Variants in SLC15A5 observed in about 807,000 individuals in gnomAD.
The protein encoded by SLC15A5 is solute carrier family 15 member 5, also known as Peptide/histidine transporter ENSP00000340402.
Under a neutral mutation model 56.1 loss-of-function variants are expected in SLC15A5, and 58 were observed. The ratio of observed to expected loss-of-function variants is 1.03; its 90% confidence interval spans 0.84 to 1.29. SLC15A5 has a LOEUF of 1.29. SLC15A5 is among the 50% of genes most tolerant of loss of function. SLC15A5 has a pLI of 0.00. For missense variants in SLC15A5, 681 were observed against 672.1 expected, an observed-to-expected ratio of 1.01 and a Z score of -0.15; for synonymous variants, 264 against 250.5, an observed-to-expected ratio of 1.05 and a Z score of -0.51.
chr12:16,205,596 TACACACACACACAC>T (rs56313529), intron 7 of SLC15A5, among the ~76,000 whole-genome samples: 3 of 87,674 alleles, frequency 3.4e-5, no homozygotes, highest in Non-Finnish European at 4.7e-5. Flanking sequence ...TATATACATA[TACACACACACACAC>T]ATATATATAC....
intron 3 of SLC15A5, among the ~76,000 whole-genome samples, chr12:16,257,462 ATC>A (rs889345928): frequency 5.3e-5 from 8 of 152,270 alleles, no homozygotes; most frequent in African/African-American, 1.9e-4. Context: ...GAGAAGAGGA[ATC>A]TCTACCTCTC....
At chr12:16,217,103 T>G in intron 6 of SLC15A5, 79 bp from the exon 7 acceptor site, 1 of 1,398,072 alleles carries the variant, frequency 7.2e-7, no homozygotes, top group Non-Finnish European at 9.3e-7. Flanking sequence ...TTGATGTTGA[T>G]CATGTATCAA....
chr12:16,209,661 T>G lies in SLC15A5; in HGVS notation c.1483+7232A>C, dbSNP rs187231155. 3.7e-3 allele frequency among the ~76,000 whole-genome samples: 559 copies of G among 152,286 alleles called. 2 individuals carry two copies. Among genetic ancestry groups the G allele is most frequent in the Non-Finnish European group, 5.2e-3 (357 of 68,026 alleles). On this transcript the variant is annotated intron_variant, in intron 7 of 8. Transcript: ENST00000344941. Reference sequence around the variant, plus strand: ...CCACCCAGTAGCTCATGGCAGAAACTGGAATGCTTTCCTGACACTACCTCC... The same window carrying G: ...CCACCCAGTAGCTCATGGCAGAAACGGGAATGCTTTCCTGACACTACCTCC...
intron 6 of SLC15A5, among the ~76,000 whole-genome samples, chr12:16,224,161 G>T (rs544751984): frequency 2.4e-4 from 36 of 152,294 alleles, no homozygotes; most frequent in Middle Eastern, 3.4e-3. Context: ...AATGGTTATT[G>T]CCTTTAACCA....
Position 16,224,403 on chromosome 12 carries a change from T to C in SLC15A5, c.1351+11A>G. ...TATGTTCTAACATTAGTTGAAAAGGTGTTTACTCACGGGCTGGGTTTACCA... is the reference window on the plus strand; with the variant it reads ...TATGTTCTAACATTAGTTGAAAAGGCGTTTACTCACGGGCTGGGTTTACCA... On this transcript the variant is annotated intron_variant, in intron 6 of 8. Transcript: ENST00000344941. 6.5e-7 allele frequency: 1 copy of C among 1,536,412 alleles called. No homozygotes were observed. Among genetic ancestry groups the C allele is most frequent in the Non-Finnish European group, 8.7e-7 (1 of 1,146,416 alleles).
chr12:16,230,866 T>A (rs982139633), intron 5 of SLC15A5, among the ~76,000 whole-genome samples: 10 of 150,848 alleles, frequency 6.6e-5, no homozygotes, highest in African/African-American at 2.4e-4. Context: ...GAGCTTGTAG[T>A]GAGCTGAGAT....
At position 16,277,433 on chromosome 12, in the gene SLC15A5, A is replaced by G; in HGVS notation, c.253T>C (p.Cys85Arg). The G allele has an allele frequency of 6.5e-7, 1 of 1,536,570 alleles. No individual in the cohort carries two copies. The highest frequency in any genetic ancestry group is 8.7e-7 in the Non-Finnish European group (1 of 1,146,454). ...HNCQAAILNLCFIGTSILTPV... is the reference protein window; with the variant it reads ...HNCQAAILNLRFIGTSILTPV... ...GTAAGTATTGAAGTTCCAATAAAAC[A>G]CAAGTTTAAGATGGCTGCTTGGCAA... Residue 85 changes from cysteine (C) to arginine (R), a missense_variant, in exon 1 of 9, where the codon TGT becomes CGT. Physicochemically the swap from Cys to Arg is radical, Grantham distance 180 (BLOSUM62 -3). Coordinates refer to ENST00000344941, the MANE Select transcript of SLC15A5 (RefSeq NM_001170798.1).
At chr12:16,263,432 A>G (rs1864662328) in intron 2 of SLC15A5, among the ~76,000 whole-genome samples, 1 of 152,220 alleles carries the variant, frequency 6.6e-6, no homozygotes, top group South Asian at 2.1e-4. Context: ...ATTCAGTTTT[A>G]TAAGGGAAGC....
chr12:16,248,226 A>G (rs940123019), intron 3 of SLC15A5, among the ~76,000 whole-genome samples: 1 of 152,122 alleles, frequency 6.6e-6, no homozygotes, highest in Non-Finnish European at 1.5e-5. Flanking sequence ...AATATGTCAA[A>G]TAAGAAGTAG....
chr12:16,193,374 A>C (rs1863857225), intron 8 of SLC15A5, among the ~76,000 whole-genome samples: 1 of 152,036 alleles, frequency 6.6e-6, no homozygotes, highest in Admixed American at 6.6e-5. Flanking sequence ...ATTCTTTCTT[A>C]TGCTGGACCA....
chr12:16,269,274 A>G lies in SLC15A5; in HGVS notation c.584+3287T>C, dbSNP rs528620941. Reference sequence around the variant, plus strand: ...AGGTTCGAGGTGGGACCTGGGAAACATTTTCAACAAGGTTCTCAAGTGATA... The same window carrying G: ...AGGTTCGAGGTGGGACCTGGGAAACGTTTTCAACAAGGTTCTCAAGTGATA... On this transcript the variant is annotated intron_variant, in intron 2 of 8. Transcript: ENST00000344941. This position sits in a 1 kb window ranked among gnomAD's most constrained non-coding sequence, Gnocchi z 4.7. Among the ~76,000 whole-genome samples, 4 of 152,260 alleles carry G rather than the reference A, an allele frequency of 2.6e-5. No homozygotes were observed. The South Asian group carries it at 8.3e-4, about 32-fold the overall frequency.
At chr12:16,197,811 T>A (rs764339560) in intron 7 of SLC15A5, among the ~76,000 whole-genome samples, 2 of 152,018 alleles carry the variant, frequency 1.3e-5, no homozygotes, top group Non-Finnish European at 2.9e-5. Flanking sequence ...TTTAACATTG[T>A]CAGTTGACTC....
intron 5 of SLC15A5, among the ~76,000 whole-genome samples, chr12:16,238,735 A>T (rs1206380525): frequency 1.3e-5 from 2 of 152,144 alleles, no homozygotes; most frequent in African/African-American, 4.8e-5. Context: ...AGAGGATAAG[A>T]CATTAGGTTA....
chr12:16,190,238 T>C (rs138452497), intron 8 of SLC15A5, among the ~76,000 whole-genome samples: 125 of 152,260 alleles, frequency 8.2e-4, no homozygotes, highest in African/African-American at 2.9e-3. Flanking sequence ...GAATGTGCAC[T>C]CTCCATCCCC....
intron 7 of SLC15A5, among the ~76,000 whole-genome samples, chr12:16,215,999 C>T (rs2136246073): frequency 6.6e-6 from 1 of 152,224 alleles, no homozygotes; most frequent in South Asian, 2.1e-4. Flanking sequence ...AGGAGTGTCT[C>T]ATTCATAGAA....
In SLC15A5 at chr12:16,206,904, A is replaced by G. The variant is rs547649621; in HGVS notation, c.1483+9989T>C. ...TATTTGGCATAACTAGCTTTCTTATAAGGGTGAGTTCATTCTCTTGAAGAG... is the reference window on the plus strand; with the variant it reads ...TATTTGGCATAACTAGCTTTCTTATGAGGGTGAGTTCATTCTCTTGAAGAG... On this transcript the variant is annotated intron_variant, in intron 7 of 8. Transcript: ENST00000344941. Among the ~76,000 whole-genome samples, 4 of 152,284 alleles carry G rather than the reference A, an allele frequency of 2.6e-5. No homozygotes were observed. The South Asian group carries it at 8.3e-4, about 32-fold the overall frequency.
intron 2 of SLC15A5, 99 bp downstream of exon 2, chr12:16,272,462 T>C (rs1864769783): frequency 9.2e-7 from 1 of 1,090,218 alleles, no homozygotes. Flanking sequence ...TTAGCCCAAT[T>C]CATCACAAAG....
At chr12:16,275,026 AC>A (rs1418022654) in intron 1 of SLC15A5, among the ~76,000 whole-genome samples, 1 of 152,056 alleles carries the variant, frequency 6.6e-6, no homozygotes, top group Non-Finnish European at 1.5e-5. Context: ...GATGTGTCAT[AC>A]CCCCTGCCAG....
chr12:16,191,897 G>A (rs549346895), intron 8 of SLC15A5, among the ~76,000 whole-genome samples: 1 of 152,160 alleles, frequency 6.6e-6, no homozygotes, highest in Admixed American at 6.5e-5. Context: ...TGGGGTGCTC[G>A]TCAACAGGTG....
Sources: allele counts gnomAD v4.1 joint callset (sites outside exome capture counted in the v4.1 genomes callset), GRCh38; gene constraint gnomAD v4.1.1; non-coding constraint Gnocchi (gnomAD v3.1); transcripts MANE v1.5; gene names NCBI Gene and HGNC (gene_info 2026-07-23, HGNC 2026-07-21).